Variants in LINGO2 observed in about 807,000 individuals in gnomAD.
LINGO2 encodes leucine-rich repeat and immunoglobulin-like domain-containing nogo receptor-interacting protein 2.
A neutral mutation model predicts 30.6 loss-of-function variants in LINGO2; 14 were observed. The observed-to-expected ratio is 0.46, with a 90% CI of 0.30 to 0.72. LINGO2 has a LOEUF of 0.72. LINGO2 is among the 30% of genes least tolerant of loss of function. The pLI is 0.07. For synonymous variants in LINGO2, 317 were observed against 288.5 expected (o/e 1.10, Z -1.00); for missense variants, 729 against 751.7 (o/e 0.97, Z 0.35).
the LINGO2 span, among the ~76,000 whole-genome samples, chr9:28,705,713 C>G: frequency 2.6e-5 from 4 of 152,118 alleles, no homozygotes; most frequent in African/African-American, 9.7e-5. Flanking sequence ...TATGAATGTC[C>G]TCGCTGGACT....
the LINGO2 span, among the ~76,000 whole-genome samples, chr9:28,989,943 C>G: frequency 6.6e-6 from 1 of 152,152 alleles, no homozygotes; most frequent in East Asian, 1.9e-4. Flanking sequence ...CAGCTCCGGT[C>G]TACAGCTCCC....
At chr9:28,132,176 T>C (rs550024118) in intron 4 of LINGO2, among the ~76,000 whole-genome samples, 21 of 152,338 alleles carry the variant, frequency 1.4e-4, no homozygotes, top group Middle Eastern at 6.8e-3. Context: ...CTACAAAATC[T>C]TTTGCATATT....
chr9:27,956,714 T>A (rs1273911151), intron 5 of LINGO2, among the ~76,000 whole-genome samples: 1 of 152,162 alleles, frequency 6.6e-6, no homozygotes, highest in Non-Finnish European at 1.5e-5. Context: ...TTGAATTGAT[T>A]TTTGTGTGTG....
At chr9:29,041,327 C>A in the LINGO2 span, among the ~76,000 whole-genome samples, 1 of 151,858 alleles carries the variant, frequency 6.6e-6, no homozygotes, top group African/African-American at 2.4e-5. Flanking sequence ...CAAAGACAAG[C>A]TTATTTTAAA....
chr9:29,059,486 T>G, the LINGO2 span, among the ~76,000 whole-genome samples: 1 of 151,414 alleles, frequency 6.6e-6, no homozygotes, highest in Non-Finnish European at 1.5e-5. Flanking sequence ...AGACCTACAA[T>G]AAACCACAGA....
At chr9:28,913,629 A>G in the LINGO2 span, among the ~76,000 whole-genome samples, 2 of 152,128 alleles carry the variant, frequency 1.3e-5, no homozygotes, top group Non-Finnish European at 2.9e-5. Flanking sequence ...GTATACATAC[A>G]TGAGTCTAAA....
At chr9:28,265,458 G>A (rs1010050096) in intron 4 of LINGO2, among the ~76,000 whole-genome samples, 2 of 151,678 alleles carry the variant, frequency 1.3e-5, no homozygotes, top group African/African-American at 4.8e-5. Flanking sequence ...TATATGATAG[G>A]GACAGTGGAC....
intron 4 of LINGO2, among the ~76,000 whole-genome samples, chr9:28,047,273 C>A (rs917198844): frequency 6.6e-6 from 1 of 152,108 alleles, no homozygotes; most frequent in African/African-American, 2.4e-5. Flanking sequence ...TTGGTCGGAG[C>A]TTGCCCTCCT....
intron 1 of LINGO2, among the ~76,000 whole-genome samples, chr9:28,597,890 G>C (rs1343052828): frequency 6.6e-6 from 1 of 151,968 alleles, no homozygotes; most frequent in African/African-American, 2.4e-5. Flanking sequence ...TCAGCCTCCT[G>C]AGTAGCTGAG....
the LINGO2 span, among the ~76,000 whole-genome samples, chr9:28,855,563 C>T: frequency 2.6e-5 from 4 of 151,998 alleles, no homozygotes; most frequent in Admixed American, 2.6e-4. Context: ...CATTTTTATA[C>T]ATTTTAGCTA....
intron 4 of LINGO2, among the ~76,000 whole-genome samples, chr9:28,285,403 T>C (rs1435853647): frequency 7.6e-6 from 1 of 131,710 alleles, no homozygotes; most frequent in African/African-American, 2.9e-5. Context: ...AGATCATTTT[T>C]TTTTTTTTTT....
the LINGO2 span, among the ~76,000 whole-genome samples, chr9:28,973,400 C>G: frequency 6.6e-6 from 1 of 152,128 alleles, no homozygotes; most frequent in African/African-American, 2.4e-5. Flanking sequence ...TGTGTCCCCA[C>G]CCAAATCTCA....
chr9:27,949,629 T>G, exon 6 of LINGO2: 1 of 1,613,962 alleles, frequency 6.2e-7, no homozygotes, highest in South Asian at 1.1e-5. Context: ...GCTCAAGACC[T>G]CCAGAGCCCT....
chr9:28,541,949 C>T (rs912664751), intron 1 of LINGO2, among the ~76,000 whole-genome samples: 1 of 152,046 alleles, frequency 6.6e-6, no homozygotes, highest in Non-Finnish European at 1.5e-5. Context: ...AGAGAAGCTG[C>T]CTCCATAATA....
chr9:28,847,566 A>G, the LINGO2 span, among the ~76,000 whole-genome samples: 1 of 146,100 alleles, frequency 6.8e-6, no homozygotes, highest in Non-Finnish European at 1.5e-5. Context: ...CTTTGAACTG[A>G]TTTTCTGCTT....
intron 4 of LINGO2, among the ~76,000 whole-genome samples, chr9:28,049,584 G>A (rs1011373529): frequency 3.3e-5 from 5 of 150,548 alleles, no homozygotes; most frequent in Non-Finnish European, 7.4e-5. Flanking sequence ...TTTAAGTCTA[G>A]ATTTTACCGC....
the LINGO2 span, among the ~76,000 whole-genome samples, chr9:28,924,387 A>C: frequency 6.6e-6 from 1 of 151,898 alleles, no homozygotes; most frequent in African/African-American, 2.4e-5. Flanking sequence ...TGCCCAGCTA[A>C]TTTTTGTATT....
chr9:28,367,103 A>ACT (rs1564153636), intron 3 of LINGO2, among the ~76,000 whole-genome samples: 1 of 140,608 alleles, frequency 7.1e-6, no homozygotes, highest in African/African-American at 2.7e-5. Flanking sequence ...ATTTTGGTTA[A>ACT]ATCAAAAGTC....
chr9:28,568,085 A>G (rs1192741649), intron 1 of LINGO2, among the ~76,000 whole-genome samples: 1 of 152,068 alleles, frequency 6.6e-6, no homozygotes. Context: ...GCAGAATAAG[A>G]GTTTTCTACT....
Sources: gnomAD v4.1 joint callset for allele counts (sites outside exome capture counted in the v4.1 genomes callset) on GRCh38, gnomAD v4.1.1 for gene constraint, MANE v1.5 for transcripts, NCBI Gene and HGNC (gene_info 2026-07-23, HGNC 2026-07-21) for gene names.